MAGI1: variants seen among roughly 807,000 people sequenced by gnomAD.
The protein encoded by MAGI1 is membrane-associated guanylate kinase, WW and PDZ domain-containing protein 1.
Under a neutral mutation model 139.9 loss-of-function variants are expected in MAGI1, and 58 were observed. The ratio of observed to expected loss-of-function variants is 0.41; its 90% CI spans 0.34 to 0.52. The LOEUF is 0.52. Ranked by LOEUF, MAGI1 falls within the 20% of genes least tolerant of loss-of-function variation. MAGI1 has a pLI of 0.12. For synonymous variants in MAGI1, 812 were observed against 737.9 expected (o/e 1.10, Z -1.63); for missense variants, 1,874 against 1,901.6 (o/e 0.99, Z 0.27).
intron 22 of MAGI1, chr3:65,359,116 T>A: frequency 1.2e-6 from 2 of 1,614,134 alleles, no homozygotes; most frequent in Non-Finnish European, 1.7e-6. Context: ...GAGCTTTTCA[T>A]TTCTCATACA....
chr3:65,729,549 A>G (rs1404062395), intron 1 of MAGI1, among the ~76,000 whole-genome samples: 1 of 152,226 alleles, frequency 6.6e-6, no homozygotes, highest in Non-Finnish European at 1.5e-5. Context: ...TTTAGAAACA[A>G]CACTGAATCT....
chr3:65,821,228 C>G (rs548202163), intron 1 of MAGI1, among the ~76,000 whole-genome samples: 9 of 152,278 alleles, frequency 5.9e-5, no homozygotes, highest in African/African-American at 2.2e-4. Flanking sequence ...CAGCAACTCT[C>G]AAAGTATGAA....
chr3:65,464,847 TTTTCTGGCC>T (rs61683402), intron 5 of MAGI1, among the ~76,000 whole-genome samples: 84,860 of 150,774 alleles, frequency 0.56, 24,961 homozygotes, highest in East Asian at 0.94. Flanking sequence ...TCTGTTTTAT[TTTTCTGGCC>T]TTTCTGTGGG....
chr3:65,474,502 C>G (rs1328564711), intron 4 of MAGI1, among the ~76,000 whole-genome samples: 1 of 152,116 alleles, frequency 6.6e-6, no homozygotes, highest in Non-Finnish European at 1.5e-5. Flanking sequence ...TTGCTTCTCT[C>G]TCAAGATTTT....
chr3:65,524,400 C>T (rs2078295068), intron 2 of MAGI1, among the ~76,000 whole-genome samples: 1 of 152,166 alleles, frequency 6.6e-6, no homozygotes, highest in Non-Finnish European at 1.5e-5. Flanking sequence ...GAAAGTTTCT[C>T]TCACACAGGA....
At chr3:65,722,669 T>C (rs2033172364) in intron 1 of MAGI1, among the ~76,000 whole-genome samples, 1 of 150,330 alleles carries the variant, frequency 6.7e-6, no homozygotes, top group South Asian at 2.1e-4. Context: ...ATCTTCTTTC[T>C]ACATGGTTGT....
At chr3:65,910,855 C>CA (rs755783850) in intron 1 of MAGI1, among the ~76,000 whole-genome samples, 1 of 59,484 alleles carries the variant, frequency 1.7e-5, no homozygotes, top group East Asian at 7.5e-4. Flanking sequence ...ACATGGTGGA[C>CA]TTTTTTTTTT....
chr3:65,824,182 G>A (rs1365367211), intron 1 of MAGI1, among the ~76,000 whole-genome samples: 3 of 152,166 alleles, frequency 2.0e-5, no homozygotes, highest in African/African-American at 7.2e-5. Flanking sequence ...CCCATGCCTA[G>A]CCTACGTCCC....
At chr3:65,641,539 C>T (rs916136754) in intron 1 of MAGI1, among the ~76,000 whole-genome samples, 2 of 152,166 alleles carry the variant, frequency 1.3e-5, no homozygotes, top group African/African-American at 4.8e-5. Context: ...AATATACACA[C>T]AGAATCTTCT....
intron 1 of MAGI1, among the ~76,000 whole-genome samples, chr3:65,766,350 T>C (rs1472909128): frequency 6.6e-6 from 1 of 152,138 alleles, no homozygotes; most frequent in East Asian, 1.9e-4. Context: ...CAAGCTATTG[T>C]GATTCTTTCC....
At chr3:65,515,316 A>T (rs1361114131) in intron 2 of MAGI1, among the ~76,000 whole-genome samples, 1 of 152,166 alleles carries the variant, frequency 6.6e-6, no homozygotes, top group Admixed American at 6.5e-5. Context: ...TAAAAAAAAA[A>T]GTTACATTTG....
intron 5 of MAGI1, among the ~76,000 whole-genome samples, chr3:65,454,410 T>C (rs547806385): frequency 4.6e-5 from 7 of 151,258 alleles, no homozygotes; most frequent in South Asian, 4.2e-4. Flanking sequence ...AGGGATAGCA[T>C]TGGGAGATAT....
At chr3:65,389,133 GCGC>G in intron 14 of MAGI1, among the ~76,000 whole-genome samples, 1 of 152,048 alleles carries the variant, frequency 6.6e-6, no homozygotes, top group Non-Finnish European at 1.5e-5. Context: ...CTGAGCCGTG[GCGC>G]CTGGCCCCGA....
intron 1 of MAGI1, among the ~76,000 whole-genome samples, chr3:65,662,639 T>G (rs1481330509): frequency 6.6e-6 from 1 of 152,224 alleles, no homozygotes; most frequent in East Asian, 1.9e-4. Context: ...TTGATATGCA[T>G]ATAAGTACTG....
At chr3:65,377,405 G>A (rs1029524268) in intron 17 of MAGI1, among the ~76,000 whole-genome samples, 2 of 152,210 alleles carry the variant, frequency 1.3e-5, no homozygotes, top group African/African-American at 4.8e-5. Context: ...CCTCATGCAA[G>A]GTATTAGGGA....
chr3:65,940,529 C>T (rs1242970964), intron 1 of MAGI1, among the ~76,000 whole-genome samples: 3 of 152,174 alleles, frequency 2.0e-5, no homozygotes, highest in Non-Finnish European at 1.5e-5. Context: ...TTCATGAGGG[C>T]TCCACCCCTA....
chr3:66,015,867 C>A (rs2067610714), intron 1 of MAGI1, among the ~76,000 whole-genome samples: 1 of 152,210 alleles, frequency 6.6e-6, no homozygotes, highest in African/African-American at 2.4e-5. Flanking sequence ...TCAGGGATCA[C>A]TTAATTGCTC....
intron 1 of MAGI1, among the ~76,000 whole-genome samples, chr3:65,751,476 G>T (rs992952172): frequency 1.3e-5 from 2 of 152,182 alleles, no homozygotes; most frequent in South Asian, 4.1e-4. Flanking sequence ...GACCTTCGGA[G>T]AAAAGGGCAC....
chr3:65,396,891 C>G (rs950511292), intron 13 of MAGI1, among the ~76,000 whole-genome samples: 10 of 152,072 alleles, frequency 6.6e-5, no homozygotes, highest in African/African-American at 2.4e-4. Context: ...CGATTTCTTC[C>G]AAAAAGGTGG....
Sources: allele counts gnomAD v4.1 joint callset (sites outside exome capture counted in the v4.1 genomes callset), GRCh38; gene constraint gnomAD v4.1.1; transcripts MANE v1.5; gene names NCBI Gene and HGNC (gene_info 2026-07-23, HGNC 2026-07-21).